The following ARHGEF4 variants were observed in gnomAD, a reference collection of about 807,000 sequenced individuals.
ARHGEF4 encodes the protein Rho guanine nucleotide exchange factor 4.
ARHGEF4 carries 119 observed loss-of-function variants against 162.0 expected under a neutral mutation model. That is an observed-to-expected ratio of 0.73 (90% CI 0.63 to 0.86). The LOEUF (loss-of-function observed/expected upper bound fraction) is 0.86, where lower values mean the gene tolerates loss of function less well. Ranked by LOEUF, ARHGEF4 falls within the 40% of genes least tolerant of loss-of-function variation. ARHGEF4 has a pLI of 0.00. For synonymous variants in ARHGEF4, 1,014 were observed against 979.9 expected (o/e 1.03, Z -0.65); for missense variants, 2,488 against 2,456.0 (o/e 1.01, Z -0.28).
chr2:130,917,121 C>A lies in ARHGEF4; in HGVS notation c.3175C>A (p.Pro1059Thr). The A allele has an allele frequency of 6.4e-7, 1 of 1,550,482 alleles. No individual in the cohort carries two copies. Residue 1059 changes from proline (P) to threonine (T), a missense_variant, in exon 2 of 14, where the codon CCT (proline) becomes ACT (threonine). Around this residue, in one of 6 missense-constraint regions of ARHGEF4, gnomAD observed 1,642 missense variants for 1,481.5 expected, o/e 1.11. Transcript: ENST00000409359. Reference sequence around the variant, plus strand: ...GTCCTGGCTGGCGTCCCCCGGCAGCCCTCGGGCCCAGCAGGCTGGAATCGC... The same window carrying A: ...GTCCTGGCTGGCGTCCCCCGGCAGCACTCGGGCCCAGCAGGCTGGAATCGC... Reference protein sequence around the residue: ...EKSWLASPGSPRAQQAGIAHT... With the variant: ...EKSWLASPGSTRAQQAGIAHT...
At chr2:130,917,560 A>G in intron 2 of ARHGEF4, 62 bp downstream of exon 2, 1 of 1,476,824 alleles carries the variant, frequency 6.8e-7, no homozygotes, top group Non-Finnish European at 9.0e-7. Flanking sequence ...GGAGGGGAGC[A>G]GGCGGGAATC....
chr2:130,912,872 T>A (rs898548704), intron 1 of ARHGEF4, among the ~76,000 whole-genome samples: 2 of 152,092 alleles, frequency 1.3e-5, no homozygotes, highest in Non-Finnish European at 2.9e-5. Context: ...AGTCAGAAAA[T>A]AGGTGAGTAC....
At chr2:130,847,268 AG>A (rs1415845720) in intron 1 of ARHGEF4, among the ~76,000 whole-genome samples, 1 of 152,184 alleles carries the variant, frequency 6.6e-6, no homozygotes, top group Non-Finnish European at 1.5e-5. Flanking sequence ...GGGTGATATT[AG>A]TGACCAGGGG....
At chr2:131,039,815 G>T in intron 6 of ARHGEF4, 1 of 1,409,806 alleles carries the variant, frequency 7.1e-7, no homozygotes, top group Non-Finnish European at 9.2e-7. Context: ...ACTGACGGCG[G>T]CTGCGGGCGT....
chr2:130,878,471 A>G (rs1305119568), intron 1 of ARHGEF4, among the ~76,000 whole-genome samples: 1 of 152,216 alleles, frequency 6.6e-6, no homozygotes, highest in Non-Finnish European at 1.5e-5. Flanking sequence ...AGAGGGCCCA[A>G]GTGGATGCTG....
At chr2:130,952,761 C>G (rs1208549007) in intron 4 of ARHGEF4, among the ~76,000 whole-genome samples, 7 of 152,098 alleles carry the variant, frequency 4.6e-5, no homozygotes, top group Non-Finnish European at 8.8e-5. Flanking sequence ...CATTCCTATA[C>G]ACTAATAACA....
chr2:131,028,639 C>T (rs1689635182), intron 5 of ARHGEF4, among the ~76,000 whole-genome samples: 1 of 152,262 alleles, frequency 6.6e-6, no homozygotes, highest in Non-Finnish European at 1.5e-5. Context: ...CATCTGAGTT[C>T]TCCCTTTGCA....
At chr2:130,958,496 G>A (rs1026586901) in intron 4 of ARHGEF4, among the ~76,000 whole-genome samples, 4 of 150,098 alleles carry the variant, frequency 2.7e-5, no homozygotes, top group Admixed American at 6.7e-5. Flanking sequence ...TGCAACCTCC[G>A]CCCCCCCGAT....
chr2:131,025,985 A>T (rs1426447455), intron 4 of ARHGEF4, among the ~76,000 whole-genome samples: 3 of 152,190 alleles, frequency 2.0e-5, no homozygotes, highest in Admixed American at 2.0e-4. Context: ...CTCACGTAAC[A>T]TAACATATTC....
chr2:130,865,452 C>T (rs1032385683), intron 1 of ARHGEF4, among the ~76,000 whole-genome samples: 12 of 152,182 alleles, frequency 7.9e-5, no homozygotes, highest in Admixed American at 2.0e-4. Context: ...TGCTGAGCCT[C>T]GGAAATATCC....
chr2:130,993,237 G>T (rs1428124785), intron 4 of ARHGEF4, among the ~76,000 whole-genome samples: 1 of 151,960 alleles, frequency 6.6e-6, no homozygotes, highest in African/African-American at 2.4e-5. Flanking sequence ...AATTTTAATT[G>T]AAATTTCTTT....
chr2:130,917,619 G>C, intron 2 of ARHGEF4, 121 bp downstream of exon 2: 3 of 1,303,422 alleles, frequency 2.3e-6, no homozygotes, highest in Non-Finnish European at 3.1e-6. Flanking sequence ...AATTGCCCCC[G>C]TTACACTCCC....
intron 1 of ARHGEF4, among the ~76,000 whole-genome samples, chr2:130,913,473 G>A (rs1366634722): frequency 6.6e-6 from 1 of 152,102 alleles, no homozygotes; most frequent in African/African-American, 2.4e-5. Context: ...TTGCAACTTC[G>A]ATCATTCTCA....
intron 1 of ARHGEF4, among the ~76,000 whole-genome samples, chr2:130,893,299 T>C (rs549806300): frequency 5.5e-4 from 84 of 152,298 alleles, no homozygotes; most frequent in Middle Eastern, 6.8e-3. Flanking sequence ...TCCCTGAAAC[T>C]GTGTTACTCT....
intron 1 of ARHGEF4, among the ~76,000 whole-genome samples, chr2:130,847,042 G>C (rs1363637406): frequency 1.3e-5 from 2 of 152,204 alleles, no homozygotes; most frequent in Non-Finnish European, 2.9e-5. Flanking sequence ...GGGAAAGCCT[G>C]GGTGTAATTC....
rs1182371807 is a variant in ARHGEF4, at chr2:131,013,046, C to T, written c.3986-14899C>T. On this transcript the variant is annotated intron_variant, in intron 4 of 13. Coordinates refer to ENST00000409359, the MANE Select transcript of ARHGEF4 (RefSeq NM_001367493.1). ...AAACCCTAATCACTGTGAAAAGATT[C>T]ACCTCGGCAGTTACCTAGGACTAAT... Among the ~76,000 whole-genome samples the T allele has an allele frequency of 2.0e-5, 3 of 152,300 alleles. No homozygotes were observed. The South Asian group carries it at 6.2e-4, about 32-fold the overall frequency.
intron 1 of ARHGEF4, among the ~76,000 whole-genome samples, chr2:130,853,212 C>T (rs1318954211): frequency 2.0e-5 from 3 of 152,140 alleles, no homozygotes; most frequent in Non-Finnish European, 2.9e-5. Context: ...ATTCACAGTG[C>T]GGGTTAGCTA....
At chr2:130,999,867 A>G (rs1266986896) in intron 4 of ARHGEF4, among the ~76,000 whole-genome samples, 1 of 152,024 alleles carries the variant, frequency 6.6e-6, no homozygotes, top group Non-Finnish European at 1.5e-5. Flanking sequence ...CACACCTACC[A>G]CACCTGGCTA....
At chr2:130,837,039 C>A (rs2104838470) in intron 1 of ARHGEF4, 47 bp downstream of exon 1, 2 of 1,225,260 alleles carry the variant, frequency 1.6e-6, no homozygotes, top group East Asian at 6.4e-5. Flanking sequence ...CGGCGCCCTG[C>A]GCGGGTGGGG....
Sources: gnomAD v4.1 joint callset for allele counts (sites outside exome capture counted in the v4.1 genomes callset) on GRCh38, gnomAD v4.1.1 for gene constraint, gnomAD v4.1.1 regional missense constraint, MANE v1.5 for transcripts, NCBI Gene and HGNC (gene_info 2026-07-23, HGNC 2026-07-21) for gene names.